Variants in FBXL4 observed in about 807,000 individuals in gnomAD.
FBXL4 encodes F-box/LRR-repeat protein 4.
Under a neutral mutation model 58.9 loss-of-function variants are expected in FBXL4, and 40 were observed. The ratio of observed to expected loss-of-function variants is 0.68; its 90% CI spans 0.53 to 0.88. The LOEUF is 0.88. Ranked by LOEUF, FBXL4 falls within the 40% of genes least tolerant of loss-of-function variation. FBXL4 has a pLI of 0.00. For synonymous variants in FBXL4, 263 were observed against 265.5 expected (o/e 0.99, Z 0.09); for missense variants, 676 against 734.4 (o/e 0.92, Z 0.92).
chr6:98,940,872 TG>T (rs1407032860), intron 1 of FBXL4, among the ~76,000 whole-genome samples: 1 of 152,198 alleles, frequency 6.6e-6, no homozygotes, highest in Non-Finnish European at 1.5e-5. Context: ...ATCTTAGACC[TG>T]GGAAGTATTT....
intron 7 of FBXL4, among the ~76,000 whole-genome samples, chr6:98,884,626 C>T (rs1322765670): frequency 6.6e-6 from 1 of 152,100 alleles, no homozygotes; most frequent in Admixed American, 6.5e-5. Context: ...GCTCTTGTCC[C>T]TTTATTTTTG....
In FBXL4 at chr6:98,947,938, C is replaced by G. The variant is rs1041688187; in HGVS notation, c.-441G>C. ...CCGCCGCAAGCCCGGCCTAGCGCGA[C>G]CCGGAAGGAAGACGCGGAGGCCGCG... On this transcript the variant is annotated 5_prime_UTR_variant, in exon 1 of 10. Coordinates refer to ENST00000369244, the MANE Select transcript of FBXL4 (RefSeq NM_001278716.2). 6.6e-6 allele frequency: 1 copy of G among 151,448 alleles called. No homozygotes were observed. Among genetic ancestry groups the G allele is most frequent in the African/African-American group, 2.4e-5 (1 of 41,238 alleles). The allele number at this position is 151,448 out of a possible 1,614,324, so 9.4% of individuals were successfully genotyped here.
At chr6:98,936,129 T>C (rs369700233) in intron 1 of FBXL4, among the ~76,000 whole-genome samples, 5 of 152,352 alleles carry the variant, frequency 3.3e-5, no homozygotes, top group African/African-American at 1.2e-4. Flanking sequence ...CTTGCCATTA[T>C]AGCTAAAATA....
At chr6:98,896,909 ATATC>A (rs1771430494) in intron 7 of FBXL4, 3 of 984,880 alleles carry the variant, frequency 3.0e-6, no homozygotes, top group East Asian at 1.1e-4. Flanking sequence ...AAATTTGGTC[ATATC>A]TATCAGTCTG....
intron 2 of FBXL4, among the ~76,000 whole-genome samples, chr6:98,929,468 G>A (rs195811): frequency 0.21 from 31,724 of 151,540 alleles, 3,455 homozygotes; most frequent in African/African-American, 0.27. Flanking sequence ...CTACTCGGGA[G>A]AGTGAGGCAG....
intron 5 of FBXL4, among the ~76,000 whole-genome samples, chr6:98,909,392 C>T (rs76619828): frequency 0.042 from 6,455 of 152,116 alleles, 170 homozygotes; most frequent in Middle Eastern, 0.1. Flanking sequence ...CTGCAGCCTC[C>T]CCTATCAAAT....
chr6:98,882,796 A>G (rs1214572761), intron 7 of FBXL4, among the ~76,000 whole-genome samples: 1 of 152,094 alleles, frequency 6.6e-6, no homozygotes, highest in African/African-American at 2.4e-5. Context: ...TTAACATTAG[A>G]AATTGTATAA....
chr6:98,905,945 A>G (rs1771793203), intron 5 of FBXL4, among the ~76,000 whole-genome samples: 3 of 152,204 alleles, frequency 2.0e-5, no homozygotes, highest in African/African-American at 7.2e-5. Context: ...ATTGACTAAT[A>G]CAATTTGTCA....
At chr6:98,921,573 T>C (rs1176112887) in intron 4 of FBXL4, among the ~76,000 whole-genome samples, 1 of 151,936 alleles carries the variant, frequency 6.6e-6, no homozygotes, top group African/African-American at 2.4e-5. Context: ...ACTAATAAAC[T>C]AGCATGTGCT....
chr6:98,879,679 A>G (rs910521926), intron 8 of FBXL4, among the ~76,000 whole-genome samples: 6 of 151,988 alleles, frequency 3.9e-5, no homozygotes, highest in Non-Finnish European at 8.8e-5. Flanking sequence ...TCAGGAGTTC[A>G]AGACCAGCCT....
rs1770447277 is a variant in FBXL4 at position 98,869,798 on chromosome 6, A to G, written c.*4480T>C. 1 of 152,246 alleles carries G rather than the reference A, an allele frequency of 6.6e-6. No individual in the cohort carries two copies. The highest frequency in any genetic ancestry group is 2.4e-5 in the African/African-American group (1 of 41,472). 9.4% of individuals were successfully genotyped at this position (152,246 alleles called of 1,614,324 possible). ...ATAAAAATACTGCCACAGAGAAATTAGTTTTTCTCTGCTACATATTGGCTC... is the reference window on the plus strand; with the variant it reads ...ATAAAAATACTGCCACAGAGAAATTGGTTTTTCTCTGCTACATATTGGCTC... On this transcript the variant is annotated 3_prime_UTR_variant, in exon 10 of 10. Transcript: ENST00000369244.
chr6:98,898,786 G>A (rs1771497833), intron 7 of FBXL4: 9 of 985,178 alleles, frequency 9.1e-6, no homozygotes, highest in Admixed American at 6.1e-5. Context: ...ACATGTCCTA[G>A]AGATATTAGT....
At chr6:98,944,202 G>A (rs1446852111) in intron 1 of FBXL4, among the ~76,000 whole-genome samples, 1 of 152,152 alleles carries the variant, frequency 6.6e-6, no homozygotes, top group East Asian at 1.9e-4. Context: ...AAACCCAGAG[G>A]CCGTAAAGGA....
rs761482653 is a variant in FBXL4, at chr6:98,880,549, T to A, written c.1389+4A>T. 1 of 1,613,124 alleles carries A rather than the reference T, an allele frequency of 6.2e-7. No homozygotes were observed. The highest frequency in any genetic ancestry group is 8.5e-7 in the Non-Finnish European group (1 of 1,179,258). On this transcript the variant is annotated splice_donor_region_variant and intron_variant, in intron 8 of 9. Coordinates refer to ENST00000369244, the MANE Select transcript of FBXL4 (RefSeq NM_001278716.2). Reference sequence around the variant, plus strand: ...AGTAGTATAAAGAATTCTCAAACACTTACCATGACACAACTGCCTAAACTG... The same window carrying A: ...AGTAGTATAAAGAATTCTCAAACACATACCATGACACAACTGCCTAAACTG...
At chr6:98,932,483 C>T (rs1773048855) in intron 2 of FBXL4, among the ~76,000 whole-genome samples, 1 of 151,970 alleles carries the variant, frequency 6.6e-6, no homozygotes, top group Non-Finnish European at 1.5e-5. Context: ...ACAGAGAAAG[C>T]AGTAATAGTG....
At chr6:98,937,490 T>C (rs546466714) in intron 1 of FBXL4, among the ~76,000 whole-genome samples, 81 of 152,226 alleles carry the variant, frequency 5.3e-4, no homozygotes, top group African/African-American at 1.9e-3. Flanking sequence ...AGAGAAAATA[T>C]ATTGACTACT....
At chr6:98,888,894 C>A (rs1771127565) in intron 7 of FBXL4, among the ~76,000 whole-genome samples, 1 of 152,200 alleles carries the variant, frequency 6.6e-6, no homozygotes, top group Admixed American at 6.5e-5. Flanking sequence ...CACCTAAAAT[C>A]TACCTATTAA....
At chr6:98,942,280 T>C (rs1006677807) in intron 1 of FBXL4, among the ~76,000 whole-genome samples, 8 of 151,906 alleles carry the variant, frequency 5.3e-5, no homozygotes, top group African/African-American at 1.9e-4. Context: ...TATAGTTAAA[T>C]CTAAGTGATA....
intron 6 of FBXL4, among the ~76,000 whole-genome samples, chr6:98,903,845 T>C (rs1000133624): frequency 6.6e-6 from 1 of 152,166 alleles, no homozygotes; most frequent in Non-Finnish European, 1.5e-5. Flanking sequence ...ACTCTGTTTA[T>C]AAAAATAAGG....
Sources: gnomAD v4.1 joint callset for allele counts (sites outside exome capture counted in the v4.1 genomes callset) on GRCh38, gnomAD v4.1.1 for gene constraint, MANE v1.5 for transcripts, NCBI Gene and HGNC (gene_info 2026-07-23, HGNC 2026-07-21) for gene names.